The following AFF4 variants were observed in gnomAD, a reference collection of about 807,000 sequenced individuals.
AFF4 encodes AF4/FMR2 family member 4.
Under a neutral mutation model 124.8 loss-of-function variants are expected in AFF4, and 13 were observed. That is an observed-to-expected ratio of 0.10 (90% confidence interval 0.07 to 0.17). The LOEUF (loss-of-function observed/expected upper bound fraction) is 0.17. Among genes scored for constraint, AFF4 ranks in the 10% least tolerant of loss-of-function variants. The pLI, the probability that AFF4 is intolerant of heterozygous loss-of-function variation, is 1.00. For synonymous variants in AFF4, 477 were observed against 496.1 expected, an observed-to-expected ratio of 0.96 and a Z score of 0.51; for missense variants, 1,092 against 1,403.8, an observed-to-expected ratio of 0.78 and a Z score of 3.55.
At chr5:132,949,196 A>G (rs1761771140) in intron 1 of AFF4, among the ~76,000 whole-genome samples, 2 of 148,724 alleles carry the variant, frequency 1.3e-5, no homozygotes, top group South Asian at 4.3e-4. Flanking sequence ...CAGGATGAAA[A>G]TCTTATTTCT....
At chr5:132,911,124 G>GT (rs1012958614) in intron 5 of AFF4, among the ~76,000 whole-genome samples, 5 of 152,042 alleles carry the variant, frequency 3.3e-5, no homozygotes, top group African/African-American at 1.2e-4. Flanking sequence ...TGGATCATTT[G>GT]TTTTTCCCTT....
chr5:132,952,787 A>G (rs758067261), intron 1 of AFF4, among the ~76,000 whole-genome samples: 4 of 151,850 alleles, frequency 2.6e-5, no homozygotes, highest in Non-Finnish European at 5.9e-5. Context: ...AATTCCACCT[A>G]CTCGAGAGGC....
intron 11 of AFF4, 29 bp downstream of exon 11, chr5:132,896,294 A>G (rs756738584): frequency 6.5e-7 from 1 of 1,543,112 alleles, no homozygotes; most frequent in East Asian, 2.2e-5. Flanking sequence ...CTGATGTTTC[A>G]AAACAAACAA....
In AFF4 at chr5:132,894,501, A is replaced by G. The variant is rs1372584471; in HGVS notation, c.2308-1383T>C. 4.6e-5 allele frequency among the ~76,000 whole-genome samples: 7 copies of G among 152,250 alleles called. No individual in the cohort carries two copies. In the East Asian group the frequency reaches 1.3e-3, roughly 29 times the overall value. ...GGCACGAGAATGCAAATATTCTACC[A>G]TAACAAAAGAATCTGTTCCCCTATA... On this transcript the variant is annotated intron_variant, in intron 11 of 20. Transcript: ENST00000265343.
At chr5:132,962,804 CT>C (rs35471619) in intron 1 of AFF4, among the ~76,000 whole-genome samples, 58,414 of 129,484 alleles carry the variant, frequency 0.45, 13,789 homozygotes, top group African/African-American at 0.7. Flanking sequence ...ATTTTTCCTT[CT>C]TTTTTTTTTT....
intron 5 of AFF4, among the ~76,000 whole-genome samples, chr5:132,912,137 G>A (rs1016861490): frequency 9.7e-5 from 14 of 144,080 alleles, no homozygotes; most frequent in African/African-American, 3.4e-4. Flanking sequence ...CGGATCACCT[G>A]ACGTCAGGAG....
In AFF4 at chr5:132,934,856, G is replaced by C. The variant is rs1761389490; in HGVS notation, c.209C>G (p.Ser70Cys). 6.2e-7 allele frequency: 1 copy of C among 1,613,932 alleles called. No individual in the cohort carries two copies. The change falls in exon 3 of 21, where the codon TCT becomes TGT. Residue 70 changes from serine to cysteine, a missense_variant. Physicochemically the swap from Ser to Cys is moderately radical, Grantham distance 112. Transcript: ENST00000265343. The stretch of plus-strand genomic sequence containing the variant: ...GGGAATTGCAACAAGCTTTGGTATA[G>C]ATCTGTCTCCTATGAAATCCTTCAT... ...DEMKDFIGDR[S>C]IPKLVAIPKP...
At chr5:132,960,902 ATATAGT>A (rs1259743974) in intron 1 of AFF4, among the ~76,000 whole-genome samples, 2 of 152,082 alleles carry the variant, frequency 1.3e-5, no homozygotes, top group African/African-American at 2.4e-5. Flanking sequence ...AGTGCAAAAC[ATATAGT>A]AGGCTTCTGC....
intron 5 of AFF4, among the ~76,000 whole-genome samples, chr5:132,917,787 A>G (rs1440382802): frequency 7.8e-6 from 1 of 128,766 alleles, no homozygotes; most frequent in African/African-American, 3.0e-5. Flanking sequence ...ATCTCGGCTC[A>G]CTGCAACCTC....
At chr5:132,908,788 T>TC (rs367793390) in intron 5 of AFF4, among the ~76,000 whole-genome samples, 1 of 147,182 alleles carries the variant, frequency 6.8e-6, no homozygotes, top group Non-Finnish European at 1.5e-5. Flanking sequence ...TTTTTTTTTT[T>TC]GAGACGGAAT....
rs1181145671 is a variant in AFF4 at position 132,901,762 on chromosome 5, G to A, written c.1133+680C>T. Among the ~76,000 whole-genome samples, 24 of 152,084 alleles carry A rather than the reference G, an allele frequency of 1.6e-4. 1 individual carries two copies. Among genetic ancestry groups the A allele is most frequent in the Admixed American group, 1.6e-3 (24 of 15,258 alleles). On this transcript the variant is annotated intron_variant, in intron 7 of 20. Coordinates refer to ENST00000265343, the MANE Select transcript of AFF4 (RefSeq NM_014423.4). ...TTTATGACTTATTAAATATAAATTAGGAATATACACACAAAAACATACACA... is the reference window on the plus strand; with the variant it reads ...TTTATGACTTATTAAATATAAATTAAGAATATACACACAAAAACATACACA...
Position 132,895,364 on chromosome 5 carries a change from T to G in AFF4, c.2307+959A>C, listed in dbSNP as rs183044462. Among the ~76,000 whole-genome samples, 6 of 152,326 alleles carry G rather than the reference T, an allele frequency of 3.9e-5. No individual in the cohort carries two copies. The East Asian group carries it at 1.2e-3, about 29-fold the overall frequency. On this transcript the variant is annotated intron_variant, in intron 11 of 20. Transcript: ENST00000265343. ...ATCATCTGCACGTGGCACTGTGGTT[T>G]TATGAAAAGGAGAGAGGAAAATATC...
chr5:132,881,282 C>T, intron 20 of AFF4, 96 bp from the exon 21 acceptor site: 1 of 1,280,828 alleles, frequency 7.8e-7, no homozygotes, highest in East Asian at 2.6e-5. Flanking sequence ...TTCATAAACT[C>T]AAAAAATACC....
intron 8 of AFF4, 34 bp from the exon 9 acceptor site, chr5:132,899,175 G>A (rs1484387866): frequency 8.2e-6 from 13 of 1,584,962 alleles, no homozygotes; most frequent in South Asian, 2.2e-5. Flanking sequence ...ATCTGTGAAT[G>A]AATAAACAGT....
chr5:132,892,117 T>C (rs770998860), intron 13 of AFF4, 47 bp downstream of exon 13: 14 of 1,613,832 alleles, frequency 8.7e-6, no homozygotes, highest in Middle Eastern at 1.6e-4. Flanking sequence ...AAAAGTCACA[T>C]GGCAAGTTGA....
intron 1 of AFF4, among the ~76,000 whole-genome samples, chr5:132,959,376 T>C (rs1762030786): frequency 6.6e-6 from 1 of 152,076 alleles, no homozygotes; most frequent in African/African-American, 2.4e-5. Context: ...CACCTTGGCC[T>C]CCCAAAGTGC....
In AFF4 at chr5:132,934,940, G is replaced by C. The variant is rs754963114; in HGVS notation, c.125C>G (p.Thr42Ser). ...SPLFAEPYKV[T>S]SKEDKLSSRI... ...ACTTGATAACTTATCTTCTTTGCTA[G>C]TCTACAAAAAAATAAAATAAAATAA... Residue 42 changes from threonine to serine, a missense_variant and splice_region_variant, in exon 3 of 21, where the codon ACT (threonine) becomes AGT (serine). Coordinates refer to ENST00000265343, the MANE Select transcript of AFF4 (RefSeq NM_014423.4). 6.6e-7 allele frequency: 1 copy of C among 1,524,908 alleles called. No individual in the cohort carries two copies. The highest frequency in any genetic ancestry group is 8.8e-7 in the Non-Finnish European group (1 of 1,135,908). The allele number at this position is 1,524,908 out of a possible 1,614,324, so 94.5% of individuals were successfully genotyped here.
intron 20 of AFF4, among the ~76,000 whole-genome samples, chr5:132,882,450 A>G (rs1760005347): frequency 6.6e-6 from 1 of 152,196 alleles, no homozygotes; most frequent in Non-Finnish European, 1.5e-5. Flanking sequence ...AATGGTGGTT[A>G]TACAGTACTT....
chr5:132,926,871 T>C, intron 5 of AFF4: 1 of 375,712 alleles, frequency 2.7e-6, no homozygotes, highest in Non-Finnish European at 4.9e-6. Context: ...TATTAATGTC[T>C]TTTAAATCTC....
Sources: allele counts gnomAD v4.1 joint callset (sites outside exome capture counted in the v4.1 genomes callset), GRCh38; gene constraint gnomAD v4.1.1; transcripts MANE v1.5; gene names NCBI Gene and HGNC (gene_info 2026-07-23, HGNC 2026-07-21).